Variants in RASAL2 observed in about 807,000 individuals in gnomAD.
RASAL2 encodes RAS protein activator like 2.
Under a neutral mutation model 128.9 loss-of-function variants are expected in RASAL2, and 58 were observed. The observed-to-expected ratio is 0.45, with a 90% CI of 0.36 to 0.56. The LOEUF (loss-of-function observed/expected upper bound fraction) is 0.56. Among genes scored for constraint, RASAL2 ranks in the 20% least tolerant of loss-of-function variants. The probability of loss-of-function intolerance (pLI) is 0.00; values close to 1 mark genes in which losing one functional copy is unlikely to be tolerated. For synonymous variants in RASAL2, 561 were observed against 580.8 expected (o/e 0.97, Z 0.49); for missense variants, 1,360 against 1,601.6 (o/e 0.85, Z 2.57).
intron 10 of RASAL2, 35 bp from the exon 11 acceptor site, chr1:178,452,381 T>G (rs1677436805): frequency 6.4e-7 from 1 of 1,554,370 alleles, no homozygotes; most frequent in Non-Finnish European, 8.9e-7. Flanking sequence ...GGTACTTCTG[T>G]GTTTAGAGGT....
chr1:178,377,091 G>A (rs1571957683), intron 3 of RASAL2, among the ~76,000 whole-genome samples: 1 of 152,062 alleles, frequency 6.6e-6, no homozygotes, highest in East Asian at 1.9e-4. Context: ...ACTTCATAGA[G>A]TGAAGTAATT....
chr1:178,212,061 GGTATA>G (rs1663273049), intron 1 of RASAL2, among the ~76,000 whole-genome samples: 1 of 152,046 alleles, frequency 6.6e-6, no homozygotes, highest in Non-Finnish European at 1.5e-5. Flanking sequence ...AAAATGAGGA[GGTATA>G]GTATATAGTT....
intron 1 of RASAL2, among the ~76,000 whole-genome samples, chr1:178,261,353 A>G (rs1665684054): frequency 6.6e-6 from 1 of 152,234 alleles, no homozygotes; most frequent in South Asian, 2.1e-4. Flanking sequence ...GTTTATAACA[A>G]CTTAGCTCTA....
chr1:178,124,020 C>G (rs1659806639), intron 1 of RASAL2, among the ~76,000 whole-genome samples: 1 of 152,094 alleles, frequency 6.6e-6, no homozygotes, highest in African/African-American at 2.4e-5. Context: ...GATTTCCAAA[C>G]TTTTTCCCAC....
intron 1 of RASAL2, among the ~76,000 whole-genome samples, chr1:178,270,887 G>A (rs1331330404): frequency 2.6e-5 from 4 of 152,086 alleles, no homozygotes; most frequent in Admixed American, 1.3e-4. Context: ...CTTCTAAATT[G>A]CCTGTCTGGA....
chr1:178,270,914 T>C (rs1481903049), intron 1 of RASAL2, among the ~76,000 whole-genome samples: 1 of 152,186 alleles, frequency 6.6e-6, no homozygotes, highest in African/African-American at 2.4e-5. Context: ...AAGTCTAATT[T>C]TGAGAGTCAA....
intron 3 of RASAL2, among the ~76,000 whole-genome samples, chr1:178,364,252 A>G (rs1175773619): frequency 1.3e-5 from 2 of 152,130 alleles, no homozygotes; most frequent in Admixed American, 6.5e-5. Context: ...GTTCACCTTC[A>G]CCCTTCATAC....
chr1:178,438,939 A>G (rs981013503), intron 5 of RASAL2, among the ~76,000 whole-genome samples: 1 of 122,678 alleles, frequency 8.2e-6, no homozygotes, highest in South Asian at 2.8e-4. Context: ...GTGTTTTGCC[A>G]AAGTAGAAAG....
At chr1:178,224,562 A>G (rs899136381) in intron 1 of RASAL2, among the ~76,000 whole-genome samples, 1 of 152,144 alleles carries the variant, frequency 6.6e-6, no homozygotes, top group African/African-American at 2.4e-5. Flanking sequence ...CTTTTGAAAG[A>G]TGTCATCTTC....
chr1:178,233,328 C>T (rs1664086978), intron 1 of RASAL2, among the ~76,000 whole-genome samples: 1 of 152,170 alleles, frequency 6.6e-6, no homozygotes, highest in South Asian at 2.1e-4. Flanking sequence ...ACCTTGTCCT[C>T]CAAGCTATCG....
chr1:178,283,094 A>G (rs960455244), intron 1 of RASAL2, among the ~76,000 whole-genome samples: 17 of 152,152 alleles, frequency 1.1e-4, no homozygotes, highest in African/African-American at 4.1e-4. Context: ...AAACATTGTC[A>G]ATTCCTGTGA....
chr1:178,133,709 AAG>A (rs1204092927), intron 1 of RASAL2, among the ~76,000 whole-genome samples: 1 of 152,162 alleles, frequency 6.6e-6, no homozygotes, highest in Non-Finnish European at 1.5e-5. Context: ...GCAAATATAA[AAG>A]AGAGAGTAGA....
At chr1:178,111,305 T>C (rs955879041) in intron 1 of RASAL2, among the ~76,000 whole-genome samples, 9 of 152,160 alleles carry the variant, frequency 5.9e-5, no homozygotes, top group South Asian at 2.1e-4. Flanking sequence ...GACAGGGTTT[T>C]GCCATGTTGC....
chr1:178,151,770 AG>A (rs1193169115), intron 1 of RASAL2, among the ~76,000 whole-genome samples: 3 of 152,134 alleles, frequency 2.0e-5, no homozygotes, highest in Non-Finnish European at 4.4e-5. Flanking sequence ...GTGCTTTCTG[AG>A]GCTGGGTCAT....
intron 3 of RASAL2, among the ~76,000 whole-genome samples, chr1:178,317,371 C>T (rs1442080473): frequency 8.0e-4 from 117 of 145,850 alleles, no homozygotes; most frequent in African/African-American, 2.9e-3. Context: ...GGAATGGTAC[C>T]AGTTCCTCCT....
intron 3 of RASAL2, among the ~76,000 whole-genome samples, chr1:178,318,365 G>C (rs1166060768): frequency 6.7e-6 from 1 of 150,274 alleles, no homozygotes; most frequent in African/African-American, 2.4e-5. Flanking sequence ...TTTCTGTCTC[G>C]TTGATCTGTC....
intron 1 of RASAL2, among the ~76,000 whole-genome samples, chr1:178,112,537 G>A (rs1659366702): frequency 6.6e-6 from 1 of 151,834 alleles, no homozygotes; most frequent in East Asian, 1.9e-4. Flanking sequence ...GTGACAGAGC[G>A]AGACTCCATC....
chr1:178,233,448 G>C (rs567110981), intron 1 of RASAL2, among the ~76,000 whole-genome samples: 26 of 152,318 alleles, frequency 1.7e-4, no homozygotes, highest in African/African-American at 5.8e-4. Flanking sequence ...TGATTCTGCT[G>C]TTTCCAATCT....
chr1:178,329,262 CT>C (rs1369981353), intron 3 of RASAL2, among the ~76,000 whole-genome samples: 1 of 152,124 alleles, frequency 6.6e-6, no homozygotes, highest in Non-Finnish European at 1.5e-5. Flanking sequence ...AGGAATGTTA[CT>C]TTTATATGAG....
Sources: allele counts gnomAD v4.1 joint callset (sites outside exome capture counted in the v4.1 genomes callset), GRCh38; gene constraint gnomAD v4.1.1; transcripts MANE v1.5; gene names NCBI Gene and HGNC (gene_info 2026-07-23, HGNC 2026-07-21).